The following NWD2 variants were observed in gnomAD, a reference collection of about 807,000 sequenced individuals.
NWD2 encodes the protein NACHT and WD repeat domain containing 2.
NWD2 carries 37 observed loss-of-function variants against 132.7 expected under a neutral mutation model. The observed-to-expected ratio is 0.28, with a 90% CI of 0.21 to 0.37. NWD2 has a LOEUF of 0.37. Ranked by LOEUF, NWD2 falls within the 10% of genes least tolerant of loss-of-function variation. NWD2 has a pLI of 1.00. For synonymous variants in NWD2, 705 were observed against 803.0 expected, an observed-to-expected ratio of 0.88 and a Z score of 2.06; for missense variants, 1,592 against 2,122.4, an observed-to-expected ratio of 0.75 and a Z score of 4.91.
chr4:37,251,108 G>A lies in NWD2; in HGVS notation c.151+5890G>A, dbSNP rs1473925477. On this transcript the variant is annotated intron_variant, in intron 1 of 6. Coordinates refer to ENST00000309447, the MANE Select transcript of NWD2 (RefSeq NM_001144990.2). Reference sequence around the variant, plus strand: ...AGCCTGGCCAGCATGGTGAAACCCCGTCTCTACTAAAAATACAAAAATTAG... The same window carrying A: ...AGCCTGGCCAGCATGGTGAAACCCCATCTCTACTAAAAATACAAAAATTAG... 3.9e-5 allele frequency among the ~76,000 whole-genome samples: 6 copies of A among 152,120 alleles called. No homozygotes were observed. The East Asian group carries it at 7.7e-4, about 20-fold the overall frequency.
intron 1 of NWD2, among the ~76,000 whole-genome samples, chr4:37,307,010 C>T (rs980406807): frequency 1.4e-4 from 21 of 144,862 alleles, no homozygotes; most frequent in African/African-American, 3.4e-4. Flanking sequence ...GGCGACAGAG[C>T]GAGACTCCAT....
chr4:37,248,029 A>G (rs1047029601), intron 1 of NWD2, among the ~76,000 whole-genome samples: 4 of 152,160 alleles, frequency 2.6e-5, no homozygotes, highest in East Asian at 1.9e-4. Flanking sequence ...TGTTCCATCT[A>G]TTCTACGGAT....
intron 3 of NWD2, among the ~76,000 whole-genome samples, chr4:37,379,703 T>C (rs1038436606): frequency 3.9e-5 from 6 of 152,144 alleles, no homozygotes; most frequent in Non-Finnish European, 7.4e-5. Context: ...AGGGAGGTTT[T>C]GTTTTTGTTT....
rs577356492 is a variant in NWD2, at chr4:37,310,346, A to C, written c.152-15590A>C. 2.0e-5 allele frequency among the ~76,000 whole-genome samples: 3 copies of C among 152,292 alleles called. No homozygotes were observed. The East Asian group carries it at 5.8e-4, about 29-fold the overall frequency. On this transcript the variant is annotated intron_variant, in intron 1 of 6. Coordinates refer to ENST00000309447, the MANE Select transcript of NWD2 (RefSeq NM_001144990.2). ...CATTGTTTTTAGTGTGATGTTTGCAAATTTATTTACCTTGGTAGTACCAGA... is the reference window on the plus strand; with the variant it reads ...CATTGTTTTTAGTGTGATGTTTGCACATTTATTTACCTTGGTAGTACCAGA...
chr4:37,313,124 A>C (rs185324312), intron 1 of NWD2, among the ~76,000 whole-genome samples: 1 of 151,312 alleles, frequency 6.6e-6, no homozygotes, highest in Admixed American at 6.5e-5. Flanking sequence ...CTTTGGTATC[A>C]GGATGAGGCT....
chr4:37,283,231 G>T (rs1718164620), intron 1 of NWD2, among the ~76,000 whole-genome samples: 1 of 152,144 alleles, frequency 6.6e-6, no homozygotes, highest in Non-Finnish European at 1.5e-5. Flanking sequence ...TTAATACAAA[G>T]CAATCTGTTT....
At chr4:37,358,978 A>G (rs988151598) in intron 3 of NWD2, among the ~76,000 whole-genome samples, 2 of 152,172 alleles carry the variant, frequency 1.3e-5, no homozygotes, top group Non-Finnish European at 1.5e-5. Context: ...AGCATAACCC[A>G]CTATGGGAGT....
Position 37,285,239 on chromosome 4 carries a change from A to G in NWD2, c.151+40021A>G, listed in dbSNP as rs561591783. On this transcript the variant is annotated intron_variant, in intron 1 of 6. Transcript: ENST00000309447. ...TTCCAACACACTATGTAACTTTTAT[A>G]GGAATAGTCCTTTTCTTTCATTTTT... Among the ~76,000 whole-genome samples the G allele has an allele frequency of 8.7e-4, 132 of 152,276 alleles. 1 individual carries two copies. Among genetic ancestry groups the G allele is most frequent in the African/African-American group, 3.0e-3 (126 of 41,546 alleles).
rs114873222 is a variant in NWD2 at position 37,326,108 on chromosome 4, A to G, written c.240+84A>G. 1.7e-3 allele frequency: 1,517 copies of G among 901,648 alleles called. 8 individuals carry two copies. In the African/African-American group the frequency reaches 0.024, roughly 14 times the overall value. The allele number at this position is 901,648 out of a possible 1,614,324, so 55.9% of individuals were successfully genotyped here. ...TCTTGTCACAACTTGAGTGTTGTAAAAGACAAGTTTTAGGCCCTGAAAAAA... is the reference window on the plus strand; with the variant it reads ...TCTTGTCACAACTTGAGTGTTGTAAGAGACAAGTTTTAGGCCCTGAAAAAA... On this transcript the variant is annotated intron_variant, in intron 2 of 6. Transcript: ENST00000309447.
intron 3 of NWD2, among the ~76,000 whole-genome samples, chr4:37,388,681 G>GTATATATCATATATAAATATATATCA (rs1560410297): frequency 2.1e-5 from 3 of 143,414 alleles, no homozygotes; most frequent in African/African-American, 5.1e-5. Context: ...AATATATATC[G>GTATATATCATATATAAATATATATCA]TATATATCAT....
chr4:37,401,671 T>A (rs1238966904), intron 3 of NWD2, among the ~76,000 whole-genome samples: 1 of 152,116 alleles, frequency 6.6e-6, no homozygotes, highest in Admixed American at 6.6e-5. Flanking sequence ...AGAAAAAAAA[T>A]TTAATATAAG....
At chr4:37,247,679 G>T (rs868816454) in intron 1 of NWD2, among the ~76,000 whole-genome samples, 2 of 151,608 alleles carry the variant, frequency 1.3e-5, no homozygotes, top group East Asian at 1.9e-4. Context: ...GCGCAATCTC[G>T]GCTCACTGCA....
chr4:37,272,749 C>T (rs141636074), intron 1 of NWD2, among the ~76,000 whole-genome samples: 1,658 of 151,524 alleles, frequency 0.011, 30 homozygotes, highest in African/African-American at 0.037. Flanking sequence ...TATTATTTGC[C>T]TTTTATTTCA....
intron 1 of NWD2, among the ~76,000 whole-genome samples, chr4:37,250,643 C>T (rs1717339151): frequency 6.6e-6 from 1 of 152,182 alleles, no homozygotes; most frequent in African/African-American, 2.4e-5. Flanking sequence ...ATGATCCAGA[C>T]ACTGTGCAGG....
At chr4:37,435,749 A>T (rs1712304585) in intron 5 of NWD2, among the ~76,000 whole-genome samples, 1 of 152,098 alleles carries the variant, frequency 6.6e-6, no homozygotes. Flanking sequence ...ATAGATAGCC[A>T]TGTGAAGATG....
rs200654391 is a variant in NWD2 at position 37,422,984 on chromosome 4, A to ATT, written c.358-7577_358-7576dup. ...ACTGTGTACACATTGTAGGAAATTG[A>ATT]TTTTTTTTTTTTGCCCATAGAGAGA... is the stretch of plus-strand genomic sequence containing the variant. On this transcript the variant is annotated intron_variant, in intron 3 of 6. Transcript: ENST00000309447. Among the ~76,000 whole-genome samples the ATT allele has an allele frequency of 7.1e-3, 1,053 of 148,552 alleles. 9 individuals carry two copies. The highest frequency in any genetic ancestry group is 0.023 in the African/African-American group (940 of 40,556).
At position 37,348,675 on chromosome 4, in the gene NWD2, T is replaced by TACACACAC. The variant is rs1172614596; in HGVS notation, c.241-7670_241-7663dup. ...ATATATATATATATATATATATATATACACACACACACACACACACACACA... is the reference window on the plus strand; with the variant it reads ...ATATATATATATATATATATATATATACACACACACACACACACACACACACACACACA... On this transcript the variant is annotated intron_variant, in intron 2 of 6. Coordinates refer to ENST00000309447, the MANE Select transcript of NWD2 (RefSeq NM_001144990.2). Among the ~76,000 whole-genome samples the TACACACAC allele has an allele frequency of 6.1e-3, 138 of 22,564 alleles. 5 individuals carry two copies. Among genetic ancestry groups the TACACACAC allele is most frequent in the Middle Eastern group, 0.02 (1 of 50 alleles). 14.8% of individuals were successfully genotyped at this position (22,564 alleles called of 152,430 possible). A position where few individuals can be genotyped will look rare whatever the true frequency, so the allele number is the denominator to read the frequency against.
rs1237881002 is a variant in NWD2, at chr4:37,312,604, A to T, written c.152-13332A>T. Among the ~76,000 whole-genome samples, 3 of 150,730 alleles carry T rather than the reference A, an allele frequency of 2.0e-5. 1 individual carries two copies. The highest frequency in any genetic ancestry group is 7.5e-5 in the African/African-American group (3 of 40,106). ...GGACAATTTGACTTCCTCTTTTCCT[A>T]ATTGAATACCCTTTATTTCCTTCTT... On this transcript the variant is annotated intron_variant, in intron 1 of 6. Coordinates refer to ENST00000309447, the MANE Select transcript of NWD2 (RefSeq NM_001144990.2).
chr4:37,338,435 C>G (rs1719454013), intron 2 of NWD2, among the ~76,000 whole-genome samples: 1 of 152,178 alleles, frequency 6.6e-6, no homozygotes, highest in African/African-American at 2.4e-5. Flanking sequence ...GATCCAAGAA[C>G]AGATGAGCAC....
Sources: allele counts gnomAD v4.1 joint callset (sites outside exome capture counted in the v4.1 genomes callset), GRCh38; gene constraint gnomAD v4.1.1; transcripts MANE v1.5; gene names NCBI Gene and HGNC (gene_info 2026-07-23, HGNC 2026-07-21).